Variants in MLYCD observed in about 807,000 individuals in gnomAD.
MLYCD encodes the protein malonyl-CoA decarboxylase.
Under a neutral mutation model 35.8 loss-of-function variants are expected in MLYCD, and 27 were observed. That is an observed-to-expected ratio of 0.75 (90% CI 0.56 to 1.04). The LOEUF (loss-of-function observed/expected upper bound fraction) is 1.04, where lower values mean the gene tolerates loss of function less well. Ranked by LOEUF, MLYCD falls within the 50% of genes least tolerant of loss-of-function variation. The pLI is 0.00. For synonymous variants in MLYCD, 403 were observed against 302.4 expected (o/e 1.33, Z -3.45); for missense variants, 917 against 665.1 (o/e 1.38, Z -4.17).
rs1464925145 is a variant in MLYCD, at chr16:83,899,268, G to A, written c.124G>A (p.Glu42Lys). The change falls in exon 1 of 5, where the codon GAG (glutamate) becomes AAG (lysine). Residue 42 changes from glutamate to lysine, a missense_variant. Transcript: ENST00000262430. ...AAGALERAMD[E>K]LLRRAVPPTP... ...CGGCGCCCTGGAGCGGGCCATGGAC[G>A]AGCTGCTGCGCCGCGCGGTGCCGCC... 8.3e-6 allele frequency: 12 copies of A among 1,453,300 alleles called. No individual in the cohort carries two copies. Among genetic ancestry groups the A allele is most frequent in the Non-Finnish European group, 1.1e-5 (12 of 1,107,208 alleles). The allele number at this position is 1,453,300 out of a possible 1,614,324, so 90.0% of individuals were successfully genotyped here.
intron 1 of MLYCD, among the ~76,000 whole-genome samples, chr16:83,905,567 G>A (rs1055508414): frequency 3.9e-5 from 6 of 152,160 alleles, no homozygotes; most frequent in African/African-American, 7.2e-5. Flanking sequence ...CCAAAGCCAC[G>A]TCGTGGCCCA....
At position 83,921,202 on chromosome 16, in the gene MLYCD, G is replaced by A. The variant is rs1044433277; in HGVS notation, c.*5713G>A. 6.6e-6 allele frequency: 1 copy of A among 150,576 alleles called. No homozygotes were observed. The highest frequency in any genetic ancestry group is 2.4e-5 in the African/African-American group (1 of 40,822). 9.3% of individuals were successfully genotyped at this position (150,576 alleles called of 1,614,324 possible). A position where few individuals can be genotyped will look rare whatever the true frequency, so the allele number is the denominator to read the frequency against. ...TGGATGGAAGGAAGATGGATGGATG[G>A]AATGATGGATGGGTGGTAGAGGGTG... On this transcript the variant is annotated 3_prime_UTR_variant, in exon 5 of 5. Coordinates refer to ENST00000262430, the MANE Select transcript of MLYCD (RefSeq NM_012213.3).
At chr16:83,906,359 C>T (rs1252589397) in intron 1 of MLYCD, among the ~76,000 whole-genome samples, 1 of 152,288 alleles carries the variant, frequency 6.6e-6, no homozygotes, top group East Asian at 1.9e-4. Context: ...CTGTTGCACT[C>T]CAGCCTGGGT....
In MLYCD at chr16:83,923,813, C is replaced by G. The variant is rs915084803; in HGVS notation, c.*8324C>G. 6.6e-6 allele frequency: 1 copy of G among 152,394 alleles called. No homozygotes were observed. Among genetic ancestry groups the G allele is most frequent in the East Asian group, 1.9e-4 (1 of 5,194 alleles). The allele number at this position is 152,394 out of a possible 1,614,324, so 9.4% of individuals were successfully genotyped here. A position where few individuals can be genotyped will look rare whatever the true frequency, so the allele number is the denominator to read the frequency against. On this transcript the variant is annotated 3_prime_UTR_variant, in exon 5 of 5. Coordinates refer to ENST00000262430, the MANE Select transcript of MLYCD (RefSeq NM_012213.3). ...ACGTGGGGAGACCCACGCAAAGGCC[C>G]AGAGAGGAGAAGGCCAGCAGTGGGC...
intron 3 of MLYCD, among the ~76,000 whole-genome samples, chr16:83,910,799 C>G (rs1430454469): frequency 6.6e-6 from 1 of 152,198 alleles, no homozygotes; most frequent in East Asian, 1.9e-4. Flanking sequence ...ACAGCGGGCC[C>G]CTCTCGGGCC....
At position 83,915,339 on chromosome 16, in the gene MLYCD, C is replaced by T. The variant is rs762824892; in HGVS notation, c.1332C>T (p.Ile444=). ...NWMADVSLRG[I]TGSCGLMANY... ...TGGCGGATGTGAGCCTCAGAGGCATCACCGGCTCCTGCGGCCTGATGGCCA... is the reference window on the plus strand; with the variant it reads ...TGGCGGATGTGAGCCTCAGAGGCATTACCGGCTCCTGCGGCCTGATGGCCA... Residue 444 remains isoleucine, a synonymous_variant, in exon 5 of 5, where the codon ATC becomes ATT. Coordinates refer to ENST00000262430, the MANE Select transcript of MLYCD (RefSeq NM_012213.3). The T allele has an allele frequency of 6.2e-7, 1 of 1,613,862 alleles. No individual in the cohort carries two copies. Among genetic ancestry groups the T allele is most frequent in the East Asian group, 2.2e-5 (1 of 44,864 alleles).
At chr16:83,900,878 C>G (rs973065218) in intron 1 of MLYCD, among the ~76,000 whole-genome samples, 12 of 152,166 alleles carry the variant, frequency 7.9e-5, no homozygotes, top group Admixed American at 2.0e-4. Flanking sequence ...TGTTACTTGT[C>G]CTGAAATTCA....
At chr16:83,904,301 G>C (rs1335939007) in intron 1 of MLYCD, among the ~76,000 whole-genome samples, 1 of 152,130 alleles carries the variant, frequency 6.6e-6, no homozygotes. Context: ...CCATAGATAA[G>C]TATCAGAGGA....
chr16:83,899,803 A>G (rs573104113), intron 1 of MLYCD, 131 bp downstream of exon 1: 2 of 1,155,222 alleles, frequency 1.7e-6, no homozygotes, highest in African/African-American at 3.2e-5. Context: ...GCCCGCAGTT[A>G]CCGCCTGCCA....
rs1173409580 is a variant in MLYCD, at chr16:83,915,426, C to T, written c.1419C>T (p.Ile473=). 1.2e-6 allele frequency: 2 copies of T among 1,613,580 alleles called. No homozygotes were observed. The highest frequency in any genetic ancestry group is 1.7e-6 in the Non-Finnish European group (2 of 1,180,030). The change falls in exon 5 of 5, where the codon ATC becomes ATT. Residue 473 remains isoleucine, a synonymous_variant. Transcript: ENST00000262430. ...GCACCTCCTACCTCGGCTCCAAGAT[C>T]ATCAAAGCCTCTGAGCAGGTCCTCA... ...PNSTSYLGSK[I]IKASEQVLSL...
In MLYCD at chr16:83,923,686, G is replaced by C. The variant is rs779553452; in HGVS notation, c.*8197G>C. ...AGATGAGGCGATGAGGCGGCGAGCT[G>C]GGAGAGGGCTGAGCAGCTGGTGAGG... On this transcript the variant is annotated 3_prime_UTR_variant, in exon 5 of 5. Coordinates refer to ENST00000262430, the MANE Select transcript of MLYCD (RefSeq NM_012213.3). 19 of 152,354 alleles carry C rather than the reference G, an allele frequency of 1.2e-4. No homozygotes were observed. Among genetic ancestry groups the C allele is most frequent in the Non-Finnish European group, 2.5e-4 (17 of 68,146 alleles). The allele number at this position is 152,354 out of a possible 1,614,324, so 9.4% of individuals were successfully genotyped here. A position where few individuals can be genotyped will look rare whatever the true frequency, so the allele number is the denominator to read the frequency against.
chr16:83,915,623 C>G lies in MLYCD; in HGVS notation c.*134C>G. 6.6e-7 allele frequency: 1 copy of G among 1,526,636 alleles called. No homozygotes were observed. 94.6% of individuals were successfully genotyped at this position (1,526,636 alleles called of 1,614,324 possible). On this transcript the variant is annotated 3_prime_UTR_variant, in exon 5 of 5. Coordinates refer to ENST00000262430, the MANE Select transcript of MLYCD (RefSeq NM_012213.3). Reference sequence around the variant, plus strand: ...CTGTGTTCTTGTCCCGCAGCCGGTCCACACTGTGAGGCCAGGCCTCAACTT... The same window carrying G: ...CTGTGTTCTTGTCCCGCAGCCGGTCGACACTGTGAGGCCAGGCCTCAACTT...
chr16:83,908,428 A>C (rs890135663), intron 3 of MLYCD, 146 bp downstream of exon 3: 2 of 1,100,920 alleles, frequency 1.8e-6, no homozygotes, highest in African/African-American at 3.2e-5. Flanking sequence ...TGGTTAAATA[A>C]AATCTCCAGA....
intron 3 of MLYCD, among the ~76,000 whole-genome samples, chr16:83,909,305 A>C (rs1015885331): frequency 6.6e-6 from 1 of 152,154 alleles, no homozygotes; most frequent in African/African-American, 2.4e-5. Flanking sequence ...CTGACAGTTC[A>C]AAAGGGTGGG....
rs561510435 is a variant in MLYCD, at chr16:83,915,168, G to T, written c.1161G>T (p.Ser387=). The part of the protein sequence containing the change: ...LLLSSSEWVQ[S]EKLVRALQTP... ...TCAGCAGCAGCGAGTGGGTGCAGTCGGAGAAGCTGGTGCGGGCGCTGCAGA... is the reference window on the plus strand; with the variant it reads ...TCAGCAGCAGCGAGTGGGTGCAGTCTGAGAAGCTGGTGCGGGCGCTGCAGA... Residue 387 remains serine (S), a synonymous_variant, in exon 5 of 5, where the codon TCG becomes TCT. Coordinates refer to ENST00000262430, the MANE Select transcript of MLYCD (RefSeq NM_012213.3). 6 of 1,614,048 alleles carry T rather than the reference G, an allele frequency of 3.7e-6. No individual in the cohort carries two copies. The African/African-American group carries it at 6.7e-5, about 18-fold the overall frequency.
chr16:83,900,136 A>T (rs992607607), intron 1 of MLYCD, among the ~76,000 whole-genome samples: 12 of 152,178 alleles, frequency 7.9e-5, no homozygotes, highest in Admixed American at 7.9e-4. Context: ...AGTCCTGTGA[A>T]ATGCACAAAG....
In MLYCD at chr16:83,915,554, G is replaced by A. The variant is rs1597295865; in HGVS notation, c.*65G>A. 12 of 1,583,326 alleles carry A rather than the reference G, an allele frequency of 7.6e-6. No homozygotes were observed. In the East Asian group the frequency reaches 2.5e-4, roughly 33 times the overall value. ...AACGATCATTTTCAGGAGGGGCCGG[G>A]AGTTATGTATCTGAAGCAGCTTTCC... On this transcript the variant is annotated 3_prime_UTR_variant, in exon 5 of 5. Coordinates refer to ENST00000262430, the MANE Select transcript of MLYCD (RefSeq NM_012213.3).
chr16:83,906,425 C>T (rs1462594717), intron 1 of MLYCD, among the ~76,000 whole-genome samples: 2 of 152,054 alleles, frequency 1.3e-5, no homozygotes, highest in African/African-American at 2.4e-5. Context: ...GTCTGTGACC[C>T]GCCATCATTC....
At chr16:83,912,441 A>G (rs760195373) in intron 4 of MLYCD, 74 bp downstream of exon 4, 4 of 1,582,234 alleles carry the variant, frequency 2.5e-6, no homozygotes, top group Non-Finnish European at 3.5e-6. Context: ...GTGGGGTGTC[A>G]GGTGCCATGA....
Sources: allele counts gnomAD v4.1 joint callset (sites outside exome capture counted in the v4.1 genomes callset), GRCh38; gene constraint gnomAD v4.1.1; transcripts MANE v1.5; gene names NCBI Gene and HGNC (gene_info 2026-07-23, HGNC 2026-07-21).